The following CPAP variants were observed in gnomAD, a reference collection of about 807,000 sequenced individuals.
The protein encoded by CPAP is centrosome assembly and centriole elongation protein.
chr13:24,895,700 G>A, the CPAP span, among the ~76,000 whole-genome samples: 1 of 152,236 alleles, frequency 6.6e-6, no homozygotes, highest in Non-Finnish European at 1.5e-5. Flanking sequence ...AAATGGCAAG[G>A]GAGCCATGGA....
chr13:24,905,238 A>G, the CPAP span: 2 of 1,069,990 alleles, frequency 1.9e-6, no homozygotes, highest in Admixed American at 3.9e-5. Flanking sequence ...ATTTGACTTA[A>G]TTCTATTGAG....
the CPAP span, among the ~76,000 whole-genome samples, chr13:24,897,764 G>A: frequency 1.5e-4 from 23 of 152,270 alleles, no homozygotes; most frequent in Middle Eastern, 3.4e-3. Context: ...TGGCTGCCTC[G>A]AGAGGTGAAT....
the CPAP span, among the ~76,000 whole-genome samples, chr13:24,900,005 T>A: frequency 6.6e-6 from 1 of 151,536 alleles, no homozygotes. Flanking sequence ...TACATTCTAT[T>A]GGAAGACAGA....
chr13:24,917,582 T>C, the CPAP span, among the ~76,000 whole-genome samples: 3 of 152,194 alleles, frequency 2.0e-5, no homozygotes, highest in East Asian at 5.8e-4. Context: ...ACTGATTCTG[T>C]TTGAATAATT....
At chr13:24,889,343 AT>A in the CPAP span, 1 of 1,612,014 alleles carries the variant, frequency 6.2e-7, no homozygotes. Flanking sequence ...TTTTTCTTGT[AT>A]TTTTCTACCT....
chr13:24,894,926 C>T, the CPAP span, among the ~76,000 whole-genome samples: 1 of 151,942 alleles, frequency 6.6e-6, no homozygotes, highest in Non-Finnish European at 1.5e-5. Context: ...GGAGGGGAAA[C>T]TGGCAGGAGG....
At chr13:24,929,901 ATTTTTTTTTT>A in the CPAP span, among the ~76,000 whole-genome samples, 8 of 100,930 alleles carry the variant, frequency 7.9e-5, no homozygotes, top group Non-Finnish European at 1.3e-4. Flanking sequence ...TCACTTGTGA[ATTTTTTTTTT>A]TTTTTTTTTT....
At chr13:24,901,820 C>G in the CPAP span, among the ~76,000 whole-genome samples, 3 of 152,170 alleles carry the variant, frequency 2.0e-5, no homozygotes, top group South Asian at 6.2e-4. Context: ...GGCAAAACCC[C>G]GTATCTACCA....
chr13:24,905,501 T>C, the CPAP span: 1 of 1,614,224 alleles, frequency 6.2e-7, no homozygotes, highest in Non-Finnish European at 8.5e-7. Flanking sequence ...TTCTCCCCTC[T>C]TGACTGGTGC....
the CPAP span, chr13:24,883,052 AC>A: frequency 1.1e-5 from 9 of 855,670 alleles, no homozygotes; most frequent in South Asian, 1.3e-4. Flanking sequence ...CACAGGGTAA[AC>A]TTTTATTTTA....
chr13:24,916,886 T>C, the CPAP span, among the ~76,000 whole-genome samples: 2 of 152,206 alleles, frequency 1.3e-5, no homozygotes, highest in African/African-American at 4.8e-5. Flanking sequence ...GTAGTGAATA[T>C]ATCCAAGATA....
the CPAP span, chr13:24,907,147 A>C: frequency 2.6e-3 from 4,139 of 1,613,930 alleles, 5 homozygotes; most frequent in Non-Finnish European, 3.3e-3. Flanking sequence ...TCTTCTAAGT[A>C]ATCTTCAAAG....
chr13:24,889,516 T>C, the CPAP span: 3 of 743,538 alleles, frequency 4.0e-6, no homozygotes, highest in African/African-American at 5.3e-5. Context: ...TTTATTCATA[T>C]TGTTTTCATT....
the CPAP span, chr13:24,903,919 A>G: frequency 6.2e-7 from 1 of 1,614,086 alleles, no homozygotes; most frequent in Non-Finnish European, 8.5e-7. Flanking sequence ...TACAGACCCA[A>G]ACGTACCTGA....
the CPAP span, among the ~76,000 whole-genome samples, chr13:24,901,416 C>T: frequency 3.9e-5 from 6 of 152,170 alleles, no homozygotes; most frequent in African/African-American, 1.2e-4. Context: ...AGACTGCTAA[C>T]GCTCAACTCC....
At chr13:24,920,279 C>T in the CPAP span, among the ~76,000 whole-genome samples, 1 of 152,152 alleles carries the variant, frequency 6.6e-6, no homozygotes, top group Non-Finnish European at 1.5e-5. Flanking sequence ...TCAGTATGTA[C>T]AAATGCTATC....
At chr13:24,900,439 A>C in the CPAP span, among the ~76,000 whole-genome samples, 1 of 152,236 alleles carries the variant, frequency 6.6e-6, no homozygotes, top group Non-Finnish European at 1.5e-5. Flanking sequence ...ACCTGAGGTC[A>C]GGAGTTTGAG....
chr13:24,932,292 T>C, the CPAP span, among the ~76,000 whole-genome samples: 1 of 152,114 alleles, frequency 6.6e-6, no homozygotes, highest in Non-Finnish European at 1.5e-5. Context: ...CTGGGCAACA[T>C]GACAAAAACC....
the CPAP span, among the ~76,000 whole-genome samples, chr13:24,929,625 A>G: frequency 8.8e-3 from 1,340 of 152,306 alleles, 21 homozygotes; most frequent in African/African-American, 0.03. Flanking sequence ...CTTGAAGTTC[A>G]TTGAGCTTAT....
Sources: allele counts gnomAD v4.1 joint callset (sites outside exome capture counted in the v4.1 genomes callset), GRCh38; gene constraint gnomAD v4.1.1; transcripts MANE v1.5; gene names NCBI Gene and HGNC (gene_info 2026-07-23, HGNC 2026-07-21).